PIGU: variants seen among roughly 807,000 people sequenced by gnomAD.
PIGU encodes GPI-anchor transamidase component PIGU.
PIGU carries 24 observed loss-of-function variants against 49.9 expected under a neutral mutation model. The ratio of observed to expected loss-of-function variants is 0.48; its 90% confidence interval spans 0.35 to 0.68. PIGU has a LOEUF of 0.68. Ranked by LOEUF, PIGU falls within the 30% of genes least tolerant of loss-of-function variation. The probability of loss-of-function intolerance (pLI) is 0.01; values close to 1 mark genes in which losing one functional copy is unlikely to be tolerated. For missense variants in PIGU, 490 were observed against 532.6 expected, an observed-to-expected ratio of 0.92 and a Z score of 0.79; for synonymous variants, 220 against 205.7, an observed-to-expected ratio of 1.07 and a Z score of -0.59.
Position 34,634,642 on chromosome 20 carries a change from C to A in PIGU, c.502G>T (p.Ala168Ser). 6.2e-7 allele frequency: 1 copy of A among 1,612,926 alleles called. No homozygotes were observed. The highest frequency in any genetic ancestry group is 8.5e-7 in the Non-Finnish European group (1 of 1,179,234). The change falls in exon 6 of 12, where the codon GCT (alanine) becomes TCT (serine). Residue 168 changes from alanine to serine, a missense_variant. Ala to Ser is a moderately conservative substitution (Grantham distance 99, BLOSUM62 1). Coordinates refer to ENST00000217446, the MANE Select transcript of PIGU (RefSeq NM_080476.5). ...STCAINNTLI[A>S]FFILTTIKGS... Reference sequence around the variant, plus strand: ...TTTATCGTAGTCAAAATGAAGAAAGCAATGAGGGTGTTGTTGATGGCACAG... The same window carrying A: ...TTTATCGTAGTCAAAATGAAGAAAGAAATGAGGGTGTTGTTGATGGCACAG...
At chr20:34,645,435 T>C in intron 2 of PIGU, 101 bp from the exon 3 acceptor site, 2 of 1,352,340 alleles carry the variant, frequency 1.5e-6, no homozygotes, top group Non-Finnish European at 1.9e-6. Flanking sequence ...GTCAGCAAAC[T>C]ATTATGCTAG....
In PIGU at chr20:34,560,615, C is replaced by CCTGTCTGGG. The variant is rs1982439257; in HGVS notation, c.*242_*250dup. On this transcript the variant is annotated 3_prime_UTR_variant, in exon 12 of 12. Coordinates refer to ENST00000217446, the MANE Select transcript of PIGU (RefSeq NM_080476.5). ...CCCTGCTCACCTGCCTCTTCTCCTT[C>CCTGTCTGGG]CTGTCTGGGAGGGGGCTCCTTGGTG... is the stretch of plus-strand genomic sequence containing the variant. 2.3e-6 allele frequency: 1 copy of CCTGTCTGGG among 441,434 alleles called. No homozygotes were observed. Among genetic ancestry groups the CCTGTCTGGG allele is most frequent in the Non-Finnish European group, 4.0e-6 (1 of 250,142 alleles). The allele number at this position is 441,434 out of a possible 1,614,324, so 27.3% of individuals were successfully genotyped here.
At chr20:34,662,821 A>G (rs950885630) in intron 1 of PIGU, among the ~76,000 whole-genome samples, 4 of 152,250 alleles carry the variant, frequency 2.6e-5, no homozygotes, top group African/African-American at 9.6e-5. Context: ...TGATAAGATT[A>G]CAGAAGATGC....
intron 3 of PIGU, 88 bp downstream of exon 3, chr20:34,645,187 C>CAA (rs1163864427): frequency 2.8e-3 from 2,926 of 1,027,670 alleles, no homozygotes; most frequent in South Asian, 4.4e-3. Flanking sequence ...GACCCCATCT[C>CAA]AAAAAAAAAA....
chr20:34,581,489 C>A, intron 10 of PIGU, 59 bp downstream of exon 10: 2 of 1,597,414 alleles, frequency 1.3e-6, no homozygotes, highest in African/African-American at 1.3e-5. Flanking sequence ...CTTTTCCCTG[C>A]AGCAGTCTCA....
At chr20:34,625,973 T>TAC (rs1555800341) in intron 6 of PIGU, among the ~76,000 whole-genome samples, 64 of 148,534 alleles carry the variant, frequency 4.3e-4, no homozygotes, top group African/African-American at 9.1e-4. Flanking sequence ...TATATATATA[T>TAC]ACACACATAC....
chr20:34,637,804 A>G, intron 5 of PIGU, 72 bp downstream of exon 5: 1 of 1,587,050 alleles, frequency 6.3e-7, no homozygotes, highest in Non-Finnish European at 8.5e-7. Context: ...TACAACAAAC[A>G]ACATGGGAAA....
chr20:34,663,136 C>CT (rs765662734), intron 1 of PIGU, among the ~76,000 whole-genome samples: 54 of 152,168 alleles, frequency 3.5e-4, no homozygotes, highest in Non-Finnish European at 6.8e-4. Flanking sequence ...AACTCCTGGG[C>CT]TCAAGCCATC....
intron 8 of PIGU, among the ~76,000 whole-genome samples, chr20:34,586,755 A>G (rs1466439063): frequency 6.6e-6 from 1 of 152,178 alleles, no homozygotes; most frequent in African/African-American, 2.4e-5. Context: ...GTTTTCCCTC[A>G]AGGTTTGACG....
chr20:34,572,788 T>C (rs1238630188), intron 11 of PIGU, among the ~76,000 whole-genome samples: 1 of 152,168 alleles, frequency 6.6e-6, no homozygotes, highest in Non-Finnish European at 1.5e-5. Context: ...AATCATTAAG[T>C]GAAAAACAGC....
At chr20:34,647,339 G>A (rs1986384305) in intron 2 of PIGU, among the ~76,000 whole-genome samples, 1 of 149,166 alleles carries the variant, frequency 6.7e-6, no homozygotes, top group Non-Finnish European at 1.5e-5. Context: ...TCGGCTCACT[G>A]TAACCTCCAC....
chr20:34,626,539 G>A (rs1458763569), intron 6 of PIGU, among the ~76,000 whole-genome samples: 8 of 152,138 alleles, frequency 5.3e-5, no homozygotes, highest in Non-Finnish European at 1.2e-4. Context: ...CTGACCTCGG[G>A]TGATCCACCT....
chr20:34,676,864 G>A, intron 1 of PIGU, 92 bp downstream of exon 1: 4 of 1,318,028 alleles, frequency 3.0e-6, no homozygotes, highest in Non-Finnish European at 4.0e-6. Context: ...TCTAGGAACC[G>A]CGCGCTGGCG....
intron 2 of PIGU, among the ~76,000 whole-genome samples, chr20:34,652,629 C>T (rs1038040927): frequency 6.6e-6 from 1 of 152,164 alleles, no homozygotes; most frequent in Non-Finnish European, 1.5e-5. Context: ...TACTTAGTGA[C>T]ATCCCACATA....
chr20:34,621,512 T>C (rs1232858078), intron 6 of PIGU, among the ~76,000 whole-genome samples: 2 of 151,958 alleles, frequency 1.3e-5, no homozygotes, highest in Non-Finnish European at 2.9e-5. Flanking sequence ...AGTAGGTTGG[T>C]GTGTGGGAAG....
At chr20:34,630,503 C>A (rs1985667182) in intron 6 of PIGU, among the ~76,000 whole-genome samples, 1 of 152,122 alleles carries the variant, frequency 6.6e-6, no homozygotes. Context: ...ATAAAACCTG[C>A]AGATGATGAC....
At chr20:34,675,267 A>AG in intron 1 of PIGU, among the ~76,000 whole-genome samples, 1 of 125,950 alleles carries the variant, frequency 7.9e-6, no homozygotes, top group African/African-American at 2.8e-5. Flanking sequence ...AAAAAAAAAA[A>AG]AAGAGAGAGA....
At chr20:34,656,597 T>C (rs1167358248) in intron 2 of PIGU, among the ~76,000 whole-genome samples, 1 of 151,910 alleles carries the variant, frequency 6.6e-6, no homozygotes, top group East Asian at 1.9e-4. Flanking sequence ...TTACTATTCT[T>C]AAGAGCTAAT....
intron 1 of PIGU, among the ~76,000 whole-genome samples, chr20:34,658,045 C>G (rs961982437): frequency 6.6e-6 from 1 of 152,068 alleles, no homozygotes; most frequent in African/African-American, 2.4e-5. Context: ...GATGCCGAGC[C>G]GAAGCTGGAC....
Sources: allele counts gnomAD v4.1 joint callset (sites outside exome capture counted in the v4.1 genomes callset), GRCh38; gene constraint gnomAD v4.1.1; transcripts MANE v1.5; gene names NCBI Gene and HGNC (gene_info 2026-07-23, HGNC 2026-07-21).